KIAA1671: variants seen among roughly 807,000 people sequenced by gnomAD.
KIAA1671 encodes uncharacterized protein KIAA1671.
A neutral mutation model predicts 131.2 loss-of-function variants in KIAA1671; 52 were observed. That is an observed-to-expected ratio of 0.40 (90% confidence interval 0.32 to 0.50). KIAA1671 has a LOEUF of 0.50. KIAA1671 is among the 20% of genes least tolerant of loss of function. The pLI is 0.73. For synonymous variants in KIAA1671, 1,003 were observed against 961.6 expected, an observed-to-expected ratio of 1.04 and a Z score of -0.80; for missense variants, 2,360 against 2,364.2, an observed-to-expected ratio of 1.00 and a Z score of 0.04.
chr22:25,077,076 G>A (rs891057956), intron 6 of KIAA1671, among the ~76,000 whole-genome samples: 9 of 152,192 alleles, frequency 5.9e-5, no homozygotes, highest in African/African-American at 2.2e-4. Flanking sequence ...GAGGCCCATG[G>A]TGTTGAAGCA....
chr22:25,162,931 G>A (rs1441202000), intron 6 of KIAA1671, among the ~76,000 whole-genome samples: 2 of 152,022 alleles, frequency 1.3e-5, no homozygotes, highest in Admixed American at 6.6e-5. Context: ...CTAAGAGCCT[G>A]TTTCTGATTG....
intron 1 of KIAA1671, among the ~76,000 whole-genome samples, chr22:24,954,220 G>A (rs1280988861): frequency 6.6e-6 from 1 of 152,148 alleles, no homozygotes; most frequent in Non-Finnish European, 1.5e-5. Context: ...AAGCTCTGAG[G>A]TTTGGCTAAT....
intron 1 of KIAA1671, among the ~76,000 whole-genome samples, chr22:25,001,866 T>C (rs535622868): frequency 6.3e-4 from 96 of 152,250 alleles, no homozygotes; most frequent in African/African-American, 2.2e-3. Context: ...TATAGCATCC[T>C]TGGGCTAAAG....
chr22:25,042,211 T>C, intron 5 of KIAA1671, among the ~76,000 whole-genome samples: 1 of 152,196 alleles, frequency 6.6e-6, no homozygotes, highest in Non-Finnish European at 1.5e-5. Flanking sequence ...GCTAGCCCCA[T>C]GCAGCGCGCC....
In KIAA1671 at chr22:25,197,214, G is replaced by A. The variant is rs937711183; in HGVS notation, c.*4813G>A. ...AACCGTGTGACTGAGAAGTCATCTA[G>A]AAAAACTTATATTTTTAATGTAAAA... On this transcript the variant is annotated 3_prime_UTR_variant, in exon 13 of 13. Transcript: ENST00000358431. The A allele has an allele frequency of 2.6e-5, 4 of 152,160 alleles. No homozygotes were observed. Among genetic ancestry groups the A allele is most frequent in the Admixed American group, 6.5e-5 (1 of 15,272 alleles). 9.4% of individuals were successfully genotyped at this position (152,160 alleles called of 1,614,324 possible).
At chr22:25,079,842 G>A (rs1185807321) in intron 6 of KIAA1671, among the ~76,000 whole-genome samples, 1 of 152,144 alleles carries the variant, frequency 6.6e-6, no homozygotes, top group Non-Finnish European at 1.5e-5. Flanking sequence ...AACCCAGCTT[G>A]GCCTTTGAGT....
intron 1 of KIAA1671, among the ~76,000 whole-genome samples, chr22:24,957,998 A>G (rs947826510): frequency 2.1e-5 from 3 of 144,314 alleles, no homozygotes; most frequent in African/African-American, 5.2e-5. Context: ...ATATTTTACA[A>G]CAAACCCAGG....
intron 6 of KIAA1671, among the ~76,000 whole-genome samples, chr22:25,111,372 G>C (rs771198666): frequency 7.4e-4 from 112 of 152,336 alleles, no homozygotes; most frequent in Non-Finnish European, 1.4e-3. Flanking sequence ...TGGGACTTGG[G>C]GGAGAAAAAA....
intron 6 of KIAA1671, among the ~76,000 whole-genome samples, chr22:25,154,518 G>C (rs935708252): frequency 6.6e-6 from 1 of 152,208 alleles, no homozygotes; most frequent in African/African-American, 2.4e-5. Context: ...GGGAAATGGG[G>C]TGGGTGGAGC....
chr22:25,124,694 A>G (rs1050159506), intron 6 of KIAA1671, among the ~76,000 whole-genome samples: 6 of 152,226 alleles, frequency 3.9e-5, no homozygotes, highest in Non-Finnish European at 5.9e-5. Flanking sequence ...ACCTTGATAC[A>G]TTAGTCAGAT....
At chr22:25,120,302 T>C (rs1051551159) in intron 6 of KIAA1671, among the ~76,000 whole-genome samples, 3 of 152,218 alleles carry the variant, frequency 2.0e-5, no homozygotes, top group Admixed American at 6.5e-5. Context: ...GTCACTTCAT[T>C]CTCTGCTACA....
intron 6 of KIAA1671, among the ~76,000 whole-genome samples, chr22:25,123,152 G>A (rs1932023054): frequency 6.9e-6 from 1 of 145,212 alleles, no homozygotes; most frequent in Non-Finnish European, 1.5e-5. Context: ...GTTGGTCAGT[G>A]TGACCAACAG....
At chr22:25,119,468 A>T (rs1228936457) in intron 6 of KIAA1671, among the ~76,000 whole-genome samples, 2 of 152,234 alleles carry the variant, frequency 1.3e-5, no homozygotes, top group Non-Finnish European at 2.9e-5. Context: ...TTTTTAATTG[A>T]GTACCTGTTT....
intron 6 of KIAA1671, among the ~76,000 whole-genome samples, chr22:25,100,672 G>A (rs1930617318): frequency 6.6e-6 from 1 of 152,196 alleles, no homozygotes; most frequent in African/African-American, 2.4e-5. Context: ...TGTCAACGAG[G>A]CAGTAGGGCG....
intron 6 of KIAA1671, among the ~76,000 whole-genome samples, chr22:25,146,172 A>C (rs1932875482): frequency 6.6e-6 from 1 of 152,202 alleles, no homozygotes; most frequent in Non-Finnish European, 1.5e-5. Flanking sequence ...AATAATAATA[A>C]TATAAGTTCT....
chr22:25,182,476 T>TA (rs1268249500), intron 10 of KIAA1671, among the ~76,000 whole-genome samples: 1 of 152,136 alleles, frequency 6.6e-6, no homozygotes, highest in African/African-American at 2.4e-5. Flanking sequence ...TGAAATAGTT[T>TA]AAGTTTCAAA....
At chr22:25,031,817 G>C (rs1043662585) in intron 3 of KIAA1671, among the ~76,000 whole-genome samples, 4 of 152,180 alleles carry the variant, frequency 2.6e-5, no homozygotes, top group Admixed American at 6.5e-5. Context: ...GGAAACTGAG[G>C]CTCTGAGTTT....
chr22:25,036,403 A>G (rs1926598887), intron 4 of KIAA1671, among the ~76,000 whole-genome samples: 3 of 152,188 alleles, frequency 2.0e-5, no homozygotes, highest in South Asian at 4.1e-4. Context: ...TAAAAAGAAA[A>G]AAAGTACACA....
Position 25,000,804 on chromosome 22 carries a change from C to A in KIAA1671, c.-207-24829C>A, listed in dbSNP as rs546369312. Reference sequence around the variant, plus strand: ...AAGTGCAAGGATTACAGGAATGAGCCACTGCACCTGGCTTTTTTTTTTTTG... The same window carrying A: ...AAGTGCAAGGATTACAGGAATGAGCAACTGCACCTGGCTTTTTTTTTTTTG... On this transcript the variant is annotated intron_variant, in intron 1 of 12. Transcript: ENST00000358431. Among the ~76,000 whole-genome samples the A allele has an allele frequency of 8.1e-5, 12 of 148,738 alleles. 1 individual carries two copies. Among genetic ancestry groups the A allele is most frequent in the African/African-American group, 2.7e-4 (11 of 41,022 alleles).
Sources: allele counts gnomAD v4.1 joint callset (sites outside exome capture counted in the v4.1 genomes callset), GRCh38; gene constraint gnomAD v4.1.1; transcripts MANE v1.5; gene names NCBI Gene and HGNC (gene_info 2026-07-23, HGNC 2026-07-21).